The following KIAA1217 variants were observed in gnomAD, a reference collection of about 807,000 sequenced individuals.
The protein encoded by KIAA1217 is sickle tail protein homolog.
KIAA1217 carries 88 observed loss-of-function variants against 163.9 expected under a neutral mutation model. The observed-to-expected ratio is 0.54, with a 90% CI of 0.45 to 0.64. KIAA1217 has a LOEUF of 0.64. KIAA1217 is among the 30% of genes least tolerant of loss of function. KIAA1217 has a pLI of 0.00. For missense variants in KIAA1217, 2,372 were observed against 2,475.0 expected, an observed-to-expected ratio of 0.96 and a Z score of 0.88; for synonymous variants, 903 against 923.1, an observed-to-expected ratio of 0.98 and a Z score of 0.39.
chr10:24,472,523 G>A (rs1408372934), intron 5 of KIAA1217, among the ~76,000 whole-genome samples: 1 of 152,184 alleles, frequency 6.6e-6, no homozygotes, highest in Admixed American at 6.5e-5. Context: ...ACAAGTTTTA[G>A]AAGACTCAGC....
intron 3 of KIAA1217, among the ~76,000 whole-genome samples, chr10:24,387,724 A>T (rs538334142): frequency 1.6e-4 from 24 of 152,322 alleles, no homozygotes; most frequent in Admixed American, 1.3e-3. Flanking sequence ...TACAAAATCA[A>T]TGTGCAAAAA....
intron 2 of KIAA1217, among the ~76,000 whole-genome samples, chr10:24,166,197 TCCTTGATAAATAAATCA>T (rs2065338434): frequency 6.6e-6 from 1 of 152,086 alleles, no homozygotes; most frequent in Non-Finnish European, 1.5e-5. Context: ...ATTTCCTCCT[TCCTTGATAAATAAATCA>T]CCTTAATAAA....
chr10:23,834,307 C>T lies in KIAA1217; in HGVS notation c.-321+139073C>T, dbSNP rs1838348060. 2.0e-5 allele frequency among the ~76,000 whole-genome samples: 3 copies of T among 152,290 alleles called. No homozygotes were observed. The South Asian group carries it at 6.2e-4, about 32-fold the overall frequency. ...CTCAATTCCTAGACACAAAGCTTTT[C>T]CTCCATGTATGCATGCATGCTTACT... On this transcript the variant is annotated intron_variant, in intron 1 of 18. Transcript: ENST00000376462.
intron 1 of KIAA1217, among the ~76,000 whole-genome samples, chr10:23,812,135 C>T (rs1421486294): frequency 1.3e-5 from 2 of 152,028 alleles, no homozygotes; most frequent in African/African-American, 4.8e-5. Context: ...TTATGGGAAA[C>T]CCAGCTGGAT....
At chr10:24,498,879 A>G (rs1252804342) in intron 8 of KIAA1217, among the ~76,000 whole-genome samples, 2 of 152,236 alleles carry the variant, frequency 1.3e-5, no homozygotes, top group Admixed American at 6.5e-5. Context: ...TGTAACAACT[A>G]GTACCTAGTC....
chr10:24,382,134 G>A (rs547116428), intron 3 of KIAA1217, among the ~76,000 whole-genome samples: 1 of 152,000 alleles, frequency 6.6e-6, no homozygotes, highest in Admixed American at 6.6e-5. Flanking sequence ...CTCTGTCAAG[G>A]GGGCAGATGT....
chr10:24,368,732 G>A lies in KIAA1217; in HGVS notation c.355-12137G>A, dbSNP rs1372813535. ...GGCATGGTGGATCCATTAAAGGTTT[G>A]TTTGTACCCTTCTCCTCTCACATAG... On this transcript the variant is annotated intron_variant, in intron 2 of 20. Coordinates refer to ENST00000376454, the MANE Select transcript of KIAA1217 (RefSeq NM_019590.5). The A allele has an allele frequency of 7.7e-6, 3 of 392,084 alleles. No homozygotes were observed. In the East Asian group the frequency reaches 5.0e-4, roughly 65 times the overall value. 24.3% of individuals were successfully genotyped at this position (392,084 alleles called of 1,614,324 possible). A position where few individuals can be genotyped will look rare whatever the true frequency, so the allele number is the denominator to read the frequency against.
At chr10:23,817,567 C>A (rs1588880635) in intron 1 of KIAA1217, among the ~76,000 whole-genome samples, 1 of 152,054 alleles carries the variant, frequency 6.6e-6, no homozygotes, top group East Asian at 1.9e-4. Context: ...TGTCAGAAAT[C>A]CAAAAGATCA....
chr10:24,084,725 G>T (rs891194207), intron 2 of KIAA1217, among the ~76,000 whole-genome samples: 1 of 152,040 alleles, frequency 6.6e-6, no homozygotes, highest in African/African-American at 2.4e-5. Context: ...GTGATCCAAG[G>T]TGTCAGACTA....
At chr10:23,958,530 A>G (rs953964629) in intron 1 of KIAA1217, among the ~76,000 whole-genome samples, 18 of 152,226 alleles carry the variant, frequency 1.2e-4, no homozygotes, top group African/African-American at 4.3e-4. Flanking sequence ...TGCACAAAGC[A>G]AGGTTTCTTT....
intron 2 of KIAA1217, among the ~76,000 whole-genome samples, chr10:24,309,348 GCGCA>G (rs1490371310): frequency 0.03 from 3,817 of 125,340 alleles, 144 homozygotes; most frequent in African/African-American, 0.1. Context: ...GCACGCGCGC[GCGCA>G]CACACACACA....
chr10:24,403,694 C>G (rs2056839857), intron 3 of KIAA1217, among the ~76,000 whole-genome samples: 3 of 152,100 alleles, frequency 2.0e-5, no homozygotes, highest in African/African-American at 7.2e-5. Context: ...GGATGAACTA[C>G]AGAAAGAGAC....
At chr10:24,276,608 CTTTTT>C (rs35622932) in intron 2 of KIAA1217, among the ~76,000 whole-genome samples, 1 of 138,112 alleles carries the variant, frequency 7.2e-6, no homozygotes, top group Non-Finnish European at 1.5e-5. Context: ...TCAAGTCCAG[CTTTTT>C]TTTTTTTTTT....
intron 1 of KIAA1217, among the ~76,000 whole-genome samples, chr10:23,782,161 T>C (rs1158633676): frequency 6.6e-6 from 1 of 152,206 alleles, no homozygotes; most frequent in Non-Finnish European, 1.5e-5. Flanking sequence ...GGGTAGTATA[T>C]ACATTGTAAT....
At chr10:23,697,096 T>A (rs892886680) in intron 1 of KIAA1217, among the ~76,000 whole-genome samples, 2 of 152,214 alleles carry the variant, frequency 1.3e-5, no homozygotes, top group African/African-American at 4.8e-5. Flanking sequence ...CCGTTCTCTA[T>A]GAAATACGTG....
intron 2 of KIAA1217, among the ~76,000 whole-genome samples, chr10:24,100,836 ATTGT>A (rs1408468780): frequency 2.0e-5 from 3 of 152,322 alleles, no homozygotes; most frequent in East Asian, 1.9e-4. Context: ...GAAATTAGAT[ATTGT>A]TTGTTTGTTT....
chr10:24,095,685 C>T (rs1437843616), intron 2 of KIAA1217, among the ~76,000 whole-genome samples: 1 of 152,148 alleles, frequency 6.6e-6, no homozygotes, highest in Non-Finnish European at 1.5e-5. Flanking sequence ...TCTCAACTAC[C>T]AAATATGCCA....
chr10:24,519,067 A>G (rs2070672056), intron 10 of KIAA1217, among the ~76,000 whole-genome samples: 2 of 152,194 alleles, frequency 1.3e-5, no homozygotes, highest in African/African-American at 4.8e-5. Context: ...TGCCCACCTA[A>G]GTGGAAAGGG....
At position 24,543,101 on chromosome 10, in the gene KIAA1217, A is replaced by G. The variant is rs773301663; in HGVS notation, c.3831A>G (p.Glu1277=). Residue 1277 remains glutamate (E), a synonymous_variant, in exon 19 of 21, where the codon GAA becomes GAG. Coordinates refer to ENST00000376454, the MANE Select transcript of KIAA1217 (RefSeq NM_019590.5). The stretch of plus-strand genomic sequence containing the variant: ...GTTTCTCTGGCATTAGTCCATTAGA[A>G]GATGAAATAAACAAAGGGTCTAAAA... ...SFGFSGISPL[E]DEINKGSKIS... 6.2e-7 allele frequency: 1 copy of G among 1,613,778 alleles called. No individual in the cohort carries two copies. The highest frequency in any genetic ancestry group is 1.3e-5 in the African/African-American group (1 of 75,012).
Sources: allele counts gnomAD v4.1 joint callset (sites outside exome capture counted in the v4.1 genomes callset), GRCh38; gene constraint gnomAD v4.1.1; transcripts MANE v1.5; gene names NCBI Gene and HGNC (gene_info 2026-07-23, HGNC 2026-07-21).